The following DIS3L2 variants were observed in gnomAD, a reference collection of about 807,000 sequenced individuals.
DIS3L2 encodes the protein DIS3 like 3'-5' exoribonuclease 2, also known as DIS3-like exonuclease 2.
DIS3L2 carries 34 observed loss-of-function variants against 97.5 expected under a neutral mutation model. The ratio of observed to expected loss-of-function variants is 0.35; its 90% confidence interval spans 0.27 to 0.46. The LOEUF is 0.46. Among genes scored for constraint, DIS3L2 ranks in the 20% least tolerant of loss-of-function variants. DIS3L2 has a pLI of 1.00. For missense variants in DIS3L2, 1,038 were observed against 1,146.0 expected (o/e 0.91, Z 1.36); for synonymous variants, 435 against 445.2 (o/e 0.98, Z 0.29).
At chr2:232,120,318 G>T (rs1204248644) in intron 6 of DIS3L2, among the ~76,000 whole-genome samples, 1 of 152,208 alleles carries the variant, frequency 6.6e-6, no homozygotes, top group African/African-American at 2.4e-5. Flanking sequence ...TGGCATCCAT[G>T]AGATTTAGGT....
At chr2:232,018,179 G>T (rs1282861261) in intron 3 of DIS3L2, among the ~76,000 whole-genome samples, 1 of 152,190 alleles carries the variant, frequency 6.6e-6, no homozygotes, top group Non-Finnish European at 1.5e-5. Flanking sequence ...GACAGCGAAG[G>T]AGAGGACAGC....
chr2:232,253,700 A>G (rs1019921499), intron 12 of DIS3L2, among the ~76,000 whole-genome samples: 2 of 152,168 alleles, frequency 1.3e-5, no homozygotes, highest in African/African-American at 4.8e-5. Flanking sequence ...GGAAGAAAAA[A>G]TAAATTATCT....
At chr2:231,986,361 G>C (rs1207552324) in intron 1 of DIS3L2, among the ~76,000 whole-genome samples, 1 of 152,110 alleles carries the variant, frequency 6.6e-6, no homozygotes, top group East Asian at 1.9e-4. Context: ...CATACCCACA[G>C]GAAAGTTATC....
At chr2:232,090,477 C>T (rs1029191412) in intron 6 of DIS3L2, among the ~76,000 whole-genome samples, 2 of 152,134 alleles carry the variant, frequency 1.3e-5, no homozygotes, top group African/African-American at 4.8e-5. Flanking sequence ...TTCTTGCCCT[C>T]TTGATATTTA....
At chr2:232,149,216 T>G (rs34675655) in intron 8 of DIS3L2, among the ~76,000 whole-genome samples, 4 of 147,558 alleles carry the variant, frequency 2.7e-5, no homozygotes, top group East Asian at 2.0e-4. Context: ...TTTTATTATA[T>G]TCTAAGTTTT....
chr2:231,987,589 G>C (rs1433170964), intron 1 of DIS3L2, among the ~76,000 whole-genome samples: 1 of 152,222 alleles, frequency 6.6e-6, no homozygotes, highest in Non-Finnish European at 1.5e-5. Flanking sequence ...CTGAGGTCCT[G>C]CACCTTGACC....
At chr2:231,985,239 T>C (rs1693377025) in intron 1 of DIS3L2, among the ~76,000 whole-genome samples, 1 of 152,180 alleles carries the variant, frequency 6.6e-6, no homozygotes, top group African/African-American at 2.4e-5. Flanking sequence ...GCCACAGCCA[T>C]TGCCCTCTCT....
chr2:232,329,786 C>CCCGGGGGGGAA, intron 14 of DIS3L2, 27 bp from the exon 15 acceptor site: 1 of 430,238 alleles, frequency 2.3e-6, no homozygotes, highest in Non-Finnish European at 4.2e-6. Flanking sequence ...CCCCAGCGGT[C>CCCGGGGGGGAA]CCTCCCATCC....
intron 3 of DIS3L2, among the ~76,000 whole-genome samples, chr2:232,020,803 G>T (rs1037871348): frequency 1.3e-5 from 2 of 152,116 alleles, no homozygotes; most frequent in African/African-American, 4.8e-5. Flanking sequence ...TAGGGTTGTT[G>T]TGAGGGTTAA....
intron 12 of DIS3L2, 70 bp downstream of exon 12, chr2:232,249,416 T>C (rs1052455797): frequency 6.7e-7 from 1 of 1,492,106 alleles, no homozygotes; most frequent in Non-Finnish European, 9.2e-7. Context: ...GCACTCACCA[T>C]GTGCCTGGCA....
intron 1 of DIS3L2, among the ~76,000 whole-genome samples, chr2:231,974,797 ATCT>A (rs763865678): frequency 6.6e-6 from 1 of 152,248 alleles, no homozygotes; most frequent in Non-Finnish European, 1.5e-5. Context: ...ATGTATTATA[ATCT>A]TCTGATCTCT....
At chr2:232,200,740 A>G (rs188046194) in intron 9 of DIS3L2, among the ~76,000 whole-genome samples, 1 of 152,272 alleles carries the variant, frequency 6.6e-6, no homozygotes, top group Admixed American at 6.5e-5. Flanking sequence ...CATTCAGGCA[A>G]AAGTCAAGTC....
At chr2:232,297,641 A>G (rs1227174381) in intron 13 of DIS3L2, among the ~76,000 whole-genome samples, 8 of 151,360 alleles carry the variant, frequency 5.3e-5, no homozygotes. Flanking sequence ...GAAAGTAATC[A>G]CCTGGAACCT....
At chr2:232,212,413 C>T (rs1323734373) in intron 10 of DIS3L2, among the ~76,000 whole-genome samples, 20 of 152,208 alleles carry the variant, frequency 1.3e-4, no homozygotes, top group Admixed American at 1.3e-3. Flanking sequence ...CTACCTGTTC[C>T]TCTGTCTCAG....
intron 9 of DIS3L2, chr2:232,198,707 G>A (rs1235211831): frequency 6.6e-6 from 1 of 152,220 alleles, no homozygotes; most frequent in Admixed American, 6.5e-5. Context: ...AAGAGTCAGA[G>A]ACCAAGCCAT....
At chr2:232,286,777 C>T (rs1694447788) in intron 13 of DIS3L2, among the ~76,000 whole-genome samples, 1 of 152,040 alleles carries the variant, frequency 6.6e-6, no homozygotes, top group Non-Finnish European at 1.5e-5. Flanking sequence ...CTAAGCAGCC[C>T]CCTGTTATTG....
At chr2:232,275,221 A>G (rs771670219) in intron 13 of DIS3L2, among the ~76,000 whole-genome samples, 2 of 152,074 alleles carry the variant, frequency 1.3e-5, no homozygotes, top group Non-Finnish European at 2.9e-5. Context: ...GGTGCGGAAC[A>G]CCATCAGCTT....
chr2:232,238,667 C>A (rs1363623838), intron 11 of DIS3L2, 22 bp downstream of exon 11: 15 of 1,590,054 alleles, frequency 9.4e-6, no homozygotes, highest in African/African-American at 1.4e-5. Flanking sequence ...TCTCTAGTTT[C>A]TTTTTTCTTG....
At chr2:232,102,705 TC>T (rs976693848) in intron 6 of DIS3L2, among the ~76,000 whole-genome samples, 51 of 152,304 alleles carry the variant, frequency 3.3e-4, no homozygotes, top group African/African-American at 1.2e-3. Context: ...AATTTAAAAA[TC>T]TTTAAAATAA....
Sources: allele counts gnomAD v4.1 joint callset (sites outside exome capture counted in the v4.1 genomes callset), GRCh38; gene constraint gnomAD v4.1.1; transcripts MANE v1.5; gene names NCBI Gene and HGNC (gene_info 2026-07-23, HGNC 2026-07-21).